ARMCX4: variants seen among roughly 807,000 people sequenced by gnomAD.
ARMCX4 encodes armadillo repeat containing X-linked 4.
In ARMCX4, 3 loss-of-function variants were observed where a neutral mutation model predicts 34.7. The ratio of observed to expected loss-of-function variants is 0.09; its 90% CI spans 0.04 to 0.22. The LOEUF is 0.22. ARMCX4 is among the 10% of genes least tolerant of loss of function. The pLI is 1.00. For synonymous variants in ARMCX4, 513 were observed against 632.8 expected (o/e 0.81, Z 2.84); for missense variants, 1,448 against 1,720.8 (o/e 0.84, Z 2.81).
At chrX:101,479,161 T>C (rs1933324085) in intron 4 of ARMCX4, among the ~76,000 whole-genome samples, 1 of 110,900 alleles carries the variant, frequency 9.0e-6, no homozygotes, top group African/African-American at 3.3e-5. Context: ...GCATGCATCA[T>C]TTTTATAAAA....
chrX:101,427,481 A>G (rs1180919022), intron 2 of ARMCX4, among the ~76,000 whole-genome samples: 2 of 110,157 alleles, frequency 1.8e-5, no homozygotes, highest in Non-Finnish European at 3.8e-5. Flanking sequence ...AGGTTCAAGC[A>G]ATTCTCCTGC....
At chrX:101,517,000 A>G (rs184772117) in intron 11 of ARMCX4, 1 of 112,227 alleles carries the variant, frequency 8.9e-6, no homozygotes, top group East Asian at 2.8e-4. Context: ...CAGCCTGGAT[A>G]GTTGATACCC....
intron 4 of ARMCX4, among the ~76,000 whole-genome samples, chrX:101,470,773 T>A (rs1358691234): frequency 3.6e-5 from 4 of 112,470 alleles, no homozygotes; most frequent in African/African-American, 1.3e-4. Flanking sequence ...ATAAAGCTGA[T>A]ATAAACATTC....
intron 4 of ARMCX4, among the ~76,000 whole-genome samples, chrX:101,462,102 ATATGT>A (rs1470939561): frequency 8.9e-6 from 1 of 112,117 alleles, no homozygotes; most frequent in Non-Finnish European, 1.9e-5. Context: ...TTGCAGAAGA[ATATGT>A]TATGACTACA....
At chrX:101,522,475 C>T (rs1260442043) in intron 11 of ARMCX4, among the ~76,000 whole-genome samples, 1 of 111,838 alleles carries the variant, frequency 8.9e-6, no homozygotes, top group Non-Finnish European at 1.9e-5. Context: ...AGTGTTTAAT[C>T]CATTTATATT....
At chrX:101,486,502 G>A (rs1403225633) in intron 2 of ARMCX4, among the ~76,000 whole-genome samples, 2 of 110,613 alleles carry the variant, frequency 1.8e-5, no homozygotes, top group Non-Finnish European at 3.8e-5. Flanking sequence ...TGGTTCTAGA[G>A]TATGGGATCT....
intron 7 of ARMCX4, among the ~76,000 whole-genome samples, chrX:101,501,927 G>A (rs1934308315): frequency 8.9e-6 from 1 of 112,244 alleles, no homozygotes; most frequent in Admixed American, 9.4e-5. Context: ...TCCTATCTCA[G>A]TATTAGAGGT....
At position 101,494,149 on chromosome X, in the gene ARMCX4, T is replaced by C. The variant is rs782342062; in HGVS notation, c.5560T>C (p.Trp1854Arg). ...GTESGAGIWS[W>R]DGDATTVESR... ...TGAGTCTGGGGCTGGGATTTGGTCC[T>C]GGGATGGAGATGCAACCACTGTAGA... Residue 1854 changes from tryptophan to arginine, a missense_variant, in exon 6 of 6, where the codon TGG becomes CGG. Around this residue, in one of 2 missense-constraint regions of ARMCX4, gnomAD observed 1,343 missense variants for 1,540.7 expected, o/e 0.87. Coordinates refer to ENST00000423738, the MANE Select transcript of ARMCX4 (RefSeq NM_001256155.3). 1.1e-4 allele frequency: 95 copies of C among 828,157 alleles called. No homozygotes were observed. In the South Asian group the frequency reaches 2.1e-3, roughly 19 times the overall value. The allele number at this position is 828,157 out of a possible 1,213,427, so 68.2% of individuals were successfully genotyped here. A position where few individuals can be genotyped will look rare whatever the true frequency, so the allele number is the denominator to read the frequency against.
intron 2 of ARMCX4, among the ~76,000 whole-genome samples, chrX:101,434,008 TG>T (rs1369363652): frequency 9.2e-6 from 1 of 108,945 alleles, no homozygotes; most frequent in African/African-American, 3.4e-5. Context: ...TGCAATGGCT[TG>T]ATCTTGGCTC....
chrX:101,516,435 T>G (rs1934746666), intron 11 of ARMCX4: 1 of 111,658 alleles, frequency 9.0e-6, no homozygotes, highest in Non-Finnish European at 1.9e-5. Context: ...TAATAAAAAT[T>G]GGGGCCTGAT....
intron 11 of ARMCX4, among the ~76,000 whole-genome samples, chrX:101,526,107 G>T (rs1034052789): frequency 1.8e-5 from 2 of 111,849 alleles, no homozygotes; most frequent in Admixed American, 1.9e-4. Context: ...CCCACAAAGG[G>T]AAGCTCATCA....
chrX:101,440,065 G>A (rs1931154209), intron 2 of ARMCX4, among the ~76,000 whole-genome samples: 1 of 111,492 alleles, frequency 9.0e-6, no homozygotes, highest in Non-Finnish European at 1.9e-5. Flanking sequence ...GATTTTTAGA[G>A]TTTCCAGTTT....
intron 2 of ARMCX4, among the ~76,000 whole-genome samples, chrX:101,434,272 G>C (rs868946066): frequency 2.5e-5 from 1 of 40,639 alleles, no homozygotes; most frequent in Non-Finnish European, 5.6e-5. Flanking sequence ...TTTTTTTTTT[G>C]ATATGGATCC....
intron 7 of ARMCX4, among the ~76,000 whole-genome samples, chrX:101,504,144 A>G (rs1315542608): frequency 3.6e-5 from 4 of 111,473 alleles, no homozygotes; most frequent in Admixed American, 9.5e-5. Context: ...CCATTGGTCT[A>G]TATCTCTGTT....
intron 4 of ARMCX4, among the ~76,000 whole-genome samples, chrX:101,462,429 C>G (rs1364637644): frequency 9.1e-6 from 1 of 110,497 alleles, no homozygotes; most frequent in Non-Finnish European, 1.9e-5. Context: ...ATCACAAGGT[C>G]AGGAGATCGA....
At position 101,440,060 on chromosome X, in the gene ARMCX4, T is replaced by G. The variant is rs782402604; in HGVS notation, n.165-3992T>G. 1.5e-4 allele frequency among the ~76,000 whole-genome samples: 16 copies of G among 110,286 alleles called. No homozygotes were observed. In the South Asian group the frequency reaches 5.3e-3, roughly 36 times the overall value. On this transcript the variant is annotated intron_variant and non_coding_transcript_variant, in intron 2 of 3. Transcript: ENST00000430461. ...TGGAGGAGGAGAGGCGCTCTGATTTTTAGAGTTTCCAGTTTTTCTGCTCTG... is the reference window on the plus strand; with the variant it reads ...TGGAGGAGGAGAGGCGCTCTGATTTGTAGAGTTTCCAGTTTTTCTGCTCTG...
chrX:101,477,362 C>T (rs1933235014), intron 4 of ARMCX4, among the ~76,000 whole-genome samples: 1 of 85,592 alleles, frequency 1.2e-5, no homozygotes, highest in Admixed American at 1.7e-4. Flanking sequence ...ATCACGTGAA[C>T]GGAGGTTGCA....
At chrX:101,496,574 G>A (rs1293620833), downstream of ARMCX4, among the ~76,000 whole-genome samples, 5 of 111,594 alleles carry the variant, frequency 4.5e-5, no homozygotes, top group Non-Finnish European at 9.4e-5. Context: ...GCCAATTCTG[G>A]TATCCATGTA....
intron 8 of ARMCX4, among the ~76,000 whole-genome samples, chrX:101,507,558 G>A (rs1556015466): frequency 9.1e-6 from 1 of 110,323 alleles, no homozygotes; most frequent in Non-Finnish European, 1.9e-5. Flanking sequence ...TCATCATAGT[G>A]GAATTTTCTT....
Sources: gnomAD v4.1 joint callset for allele counts (sites outside exome capture counted in the v4.1 genomes callset) on GRCh38, gnomAD v4.1.1 for gene constraint, gnomAD v4.1.1 regional missense constraint, MANE v1.5 for transcripts, NCBI Gene and HGNC (gene_info 2026-07-23, HGNC 2026-07-21) for gene names.